The following SUCLA2 variants were observed in gnomAD, a reference collection of about 807,000 sequenced individuals.
SUCLA2 encodes the protein succinate-CoA ligase ADP-forming subunit beta.
Under a neutral mutation model 54.8 loss-of-function variants are expected in SUCLA2, and 30 were observed. That is an observed-to-expected ratio of 0.55 (90% CI 0.41 to 0.74). The LOEUF is 0.74. Ranked by LOEUF, SUCLA2 falls within the 30% of genes least tolerant of loss-of-function variation. SUCLA2 has a pLI of 0.00. For missense variants in SUCLA2, 476 were observed against 562.9 expected, an observed-to-expected ratio of 0.85 and a Z score of 1.56; for synonymous variants, 172 against 188.9, an observed-to-expected ratio of 0.91 and a Z score of 0.74.
At chr13:47,997,935 C>T (rs1950202492) in intron 1 of SUCLA2, among the ~76,000 whole-genome samples, 1 of 152,194 alleles carries the variant, frequency 6.6e-6, no homozygotes, top group African/African-American at 2.4e-5. Flanking sequence ...CCAAGGAAAT[C>T]TGCATTCATA....
intron 4 of SUCLA2, among the ~76,000 whole-genome samples, chr13:47,975,457 C>T (rs1241094184): frequency 1.3e-5 from 2 of 152,100 alleles, no homozygotes; most frequent in Non-Finnish European, 2.9e-5. Context: ...AGCCTAATTC[C>T]ACTTTTCTAT....
At chr13:47,958,093 C>T (rs530332204) in intron 6 of SUCLA2, among the ~76,000 whole-genome samples, 5 of 152,242 alleles carry the variant, frequency 3.3e-5, no homozygotes, top group South Asian at 4.1e-4. Context: ...TGTGCTGCTA[C>T]GCTAAGCAGG....
chr13:47,969,526 G>A (rs190572416), intron 5 of SUCLA2, among the ~76,000 whole-genome samples: 1 of 152,308 alleles, frequency 6.6e-6, no homozygotes, highest in East Asian at 1.9e-4. Context: ...CAACTCAGAA[G>A]TTCTGGTTGA....
At chr13:47,993,644 T>G (rs1489117082) in intron 2 of SUCLA2, among the ~76,000 whole-genome samples, 1 of 152,202 alleles carries the variant, frequency 6.6e-6, no homozygotes. Flanking sequence ...CAACTTCTCC[T>G]GCCACCACAG....
At chr13:47,943,766 GTA>G (rs1555255588) in intron 10 of SUCLA2, among the ~76,000 whole-genome samples, 1 of 139,666 alleles carries the variant, frequency 7.2e-6, no homozygotes, top group Non-Finnish European at 1.5e-5. Context: ...GTGTGTGTGT[GTA>G]TATATATATA....
At chr13:47,970,599 C>T (rs1410586249) in intron 5 of SUCLA2, among the ~76,000 whole-genome samples, 3 of 152,146 alleles carry the variant, frequency 2.0e-5, no homozygotes, top group African/African-American at 4.8e-5. Context: ...CGGTGACTCA[C>T]GCCTGTAATC....
At chr13:47,956,122 T>G (rs1023552968) in intron 6 of SUCLA2, among the ~76,000 whole-genome samples, 4 of 152,184 alleles carry the variant, frequency 2.6e-5, no homozygotes, top group African/African-American at 9.6e-5. Flanking sequence ...AACCCAAATT[T>G]AGAATAATCA....
At chr13:47,966,793 T>C (rs975034136) in intron 6 of SUCLA2, among the ~76,000 whole-genome samples, 1 of 151,126 alleles carries the variant, frequency 6.6e-6, no homozygotes, top group African/African-American at 2.4e-5. Flanking sequence ...GGTAAGAGGA[T>C]GGCTTGAGTA....
chr13:47,988,963 A>C lies in SUCLA2; in HGVS notation c.290T>G (p.Ile97Arg), dbSNP rs754246993. 1 of 1,613,632 alleles carries C rather than the reference A, an allele frequency of 6.2e-7. No homozygotes were observed. Among genetic ancestry groups the C allele is most frequent in the Non-Finnish European group, 8.5e-7 (1 of 1,179,944 alleles). The change falls in exon 3 of 11, where the codon ATA becomes AGA. Residue 97 changes from isoleucine (I) to arginine (R), a missense_variant. Around this residue, in one of 2 missense-constraint regions of SUCLA2, gnomAD observed 134 missense variants for 118.7 expected, o/e 1.13. Coordinates refer to ENST00000646932, the MANE Select transcript of SUCLA2 (RefSeq NM_003850.3). ...ACCACCAGCTAAAACCTGTGCCTTT[A>C]TCACGACATCTTTTGAACCTAGAAG... ...AKKLGSKDVV[I>R]KAQVLAGGRG... is the part of the protein sequence containing the mutation.
intron 4 of SUCLA2, among the ~76,000 whole-genome samples, chr13:47,981,748 G>A (rs1223437999): frequency 5.9e-5 from 9 of 152,262 alleles, no homozygotes; most frequent in African/African-American, 1.2e-4. Context: ...CCCAGGAGGC[G>A]GAGGTTGTGA....
At chr13:47,998,275 T>TA in intron 1 of SUCLA2, among the ~76,000 whole-genome samples, 2 of 123,970 alleles carry the variant, frequency 1.6e-5, no homozygotes, top group East Asian at 4.6e-4. Context: ...AGACCCTGTC[T>TA]AAAAAAACAA....
intron 10 of SUCLA2, among the ~76,000 whole-genome samples, chr13:47,947,745 AGGCAGAGAACACAGAGAG>A (rs908519567): frequency 1.3e-5 from 2 of 152,218 alleles, no homozygotes; most frequent in South Asian, 2.1e-4. Context: ...GAAATACACA[AGGCAGAGAACACAGAGAG>A]GGCAGAGAAC....
At chr13:47,973,421 C>A in intron 4 of SUCLA2, 29 bp from the exon 5 acceptor site, 1 of 1,610,522 alleles carries the variant, frequency 6.2e-7, no homozygotes, top group Non-Finnish European at 8.5e-7. Context: ...AACCAAAACT[C>A]TAGATTTATT....
chr13:47,988,425 A>G, intron 4 of SUCLA2, 116 bp downstream of exon 4: 1 of 1,240,830 alleles, frequency 8.1e-7, no homozygotes. Context: ...ATGACATACA[A>G]ACAGATTATA....
At chr13:47,950,839 T>G (rs544669104) in intron 8 of SUCLA2, among the ~76,000 whole-genome samples, 1 of 152,234 alleles carries the variant, frequency 6.6e-6, no homozygotes, top group East Asian at 1.9e-4. Context: ...CTTCTCCATC[T>G]ACCTCCAAGG....
chr13:47,974,311 C>T (rs935207001), intron 4 of SUCLA2, among the ~76,000 whole-genome samples: 3 of 152,158 alleles, frequency 2.0e-5, no homozygotes, highest in African/African-American at 7.2e-5. Context: ...GCTGGCCAGG[C>T]ACAGTGGCTC....
At chr13:47,966,525 T>TA (rs372783186) in intron 6 of SUCLA2, among the ~76,000 whole-genome samples, 88,431 of 141,214 alleles carry the variant, frequency 0.63, 27,856 homozygotes, top group East Asian at 0.76. Flanking sequence ...TTGCCGTTTT[T>TA]AAAAAAAAAA....
At chr13:47,978,022 A>G (rs964140525) in intron 4 of SUCLA2, among the ~76,000 whole-genome samples, 2 of 152,172 alleles carry the variant, frequency 1.3e-5, no homozygotes, top group Non-Finnish European at 2.9e-5. Flanking sequence ...GAAAGAACAC[A>G]AAGGGAAAAA....
At chr13:47,977,931 T>A (rs949337258) in intron 4 of SUCLA2, among the ~76,000 whole-genome samples, 1 of 151,946 alleles carries the variant, frequency 6.6e-6, no homozygotes, top group Non-Finnish European at 1.5e-5. Context: ...ACAAAGAGGA[T>A]AAAATACCTA....
Sources: gnomAD v4.1 joint callset for allele counts (sites outside exome capture counted in the v4.1 genomes callset) on GRCh38, gnomAD v4.1.1 for gene constraint, gnomAD v4.1.1 regional missense constraint, MANE v1.5 for transcripts, NCBI Gene and HGNC (gene_info 2026-07-23, HGNC 2026-07-21) for gene names.